Variants in BTBD9 observed in about 807,000 individuals in gnomAD.
The protein encoded by BTBD9 is BTB domain containing 9.
BTBD9 carries 49 observed loss-of-function variants against 64.3 expected under a neutral mutation model. That is an observed-to-expected ratio of 0.76 (90% CI 0.61 to 0.97). BTBD9 has a LOEUF of 0.97. Ranked by LOEUF, BTBD9 falls within the 50% of genes least tolerant of loss-of-function variation. The pLI is 0.00. For synonymous variants in BTBD9, 260 were observed against 274.7 expected (o/e 0.95, Z 0.53); for missense variants, 598 against 762.1 (o/e 0.78, Z 2.53).
Position 38,241,231 on chromosome 6 carries a change from A to G in BTBD9, c.1562+15178T>C, listed in dbSNP as rs62397012. Reference sequence around the variant, plus strand: ...CGATATAAACAAGTTCTCTCCTCTAATAGAGCAGTACCAACATATGCTATC... The same window carrying G: ...CGATATAAACAAGTTCTCTCCTCTAGTAGAGCAGTACCAACATATGCTATC... On this transcript the variant is annotated intron_variant, in intron 9 of 10. Coordinates refer to ENST00000481247, the MANE Select transcript of BTBD9 (RefSeq NM_001099272.2). Among the ~76,000 whole-genome samples the G allele has an allele frequency of 4.5e-3, 689 of 152,356 alleles. 2 individuals are homozygous for G. Among genetic ancestry groups the G allele is most frequent in the Non-Finnish European group, 7.8e-3 (528 of 68,020 alleles).
At chr6:38,215,556 A>G (rs562775497) in intron 9 of BTBD9, among the ~76,000 whole-genome samples, 2 of 152,226 alleles carry the variant, frequency 1.3e-5, no homozygotes, top group Non-Finnish European at 2.9e-5. Flanking sequence ...AAGATTGTCA[A>G]ATAGAGCTGT....
At chr6:38,289,777 A>G (rs975234297) in intron 7 of BTBD9, among the ~76,000 whole-genome samples, 10 of 152,182 alleles carry the variant, frequency 6.6e-5, no homozygotes, top group Non-Finnish European at 1.3e-4. Context: ...GTCTATATCA[A>G]CCTGCTCATT....
intron 6 of BTBD9, among the ~76,000 whole-genome samples, chr6:38,528,499 C>T (rs1212789897): frequency 6.6e-6 from 1 of 152,084 alleles, no homozygotes; most frequent in Non-Finnish European, 1.5e-5. Context: ...CAGCACAGCT[C>T]GCAGCTCTCA....
At position 38,192,473 on chromosome 6, in the gene BTBD9, T is replaced by TAC. The variant is rs762220687; in HGVS notation, c.1641+44_1641+45dup. On this transcript the variant is annotated intron_variant, in intron 10 of 10. Transcript: ENST00000481247. ...TAACTCAGGATGTAGCATTTACCTG[T>TAC]ACATCATGAAATCTCATGGCACCTC... The TAC allele has an allele frequency of 2.0e-6, 3 of 1,527,336 alleles. No homozygotes were observed. In the South Asian group the frequency reaches 3.4e-5, roughly 17 times the overall value. 94.6% of individuals were successfully genotyped at this position (1,527,336 alleles called of 1,614,324 possible).
At chr6:38,439,877 T>G (rs1768944049) in intron 6 of BTBD9, among the ~76,000 whole-genome samples, 1 of 152,044 alleles carries the variant, frequency 6.6e-6, no homozygotes, top group Non-Finnish European at 1.5e-5. Context: ...ATTCTGAAGG[T>G]AAGAACTAAA....
At chr6:38,561,852 C>T (rs1775278639) in intron 6 of BTBD9, among the ~76,000 whole-genome samples, 1 of 152,000 alleles carries the variant, frequency 6.6e-6, no homozygotes, top group African/African-American at 2.4e-5. Context: ...GTGACAGGAC[C>T]ATTTGTAACC....
At chr6:38,480,671 T>C (rs1227903801) in intron 6 of BTBD9, among the ~76,000 whole-genome samples, 1 of 152,174 alleles carries the variant, frequency 6.6e-6, no homozygotes, top group African/African-American at 2.4e-5. Context: ...AAACCCACTG[T>C]TCTAAGTAAT....
Position 38,184,330 on chromosome 6 carries a change from CCATACAGGGCCT to C in BTBD9, c.1641+8177_1641+8188del, listed in dbSNP as rs1175570287. On this transcript the variant is annotated intron_variant, in intron 10 of 10. Transcript: ENST00000481247. This position sits in a 1 kb window ranked among gnomAD's most constrained non-coding sequence, Gnocchi z 4.4. The stretch of plus-strand genomic sequence containing the variant: ...TCTCTGGCCCAGTACCTCGCATGCA[CCATACAGGGCCT>C]CCGTGCTGCCATCTGAAACCTAAGT... Among the ~76,000 whole-genome samples, 1 of 152,224 alleles carries C rather than the reference CCATACAGGGCCT, an allele frequency of 6.6e-6. No individual in the cohort carries two copies. Among genetic ancestry groups the C allele is most frequent in the Non-Finnish European group, 1.5e-5 (1 of 68,042 alleles).
chr6:38,487,095 G>T (rs1771470446), intron 6 of BTBD9, among the ~76,000 whole-genome samples: 1 of 152,168 alleles, frequency 6.6e-6, no homozygotes, highest in Non-Finnish European at 1.5e-5. Flanking sequence ...CATATTTTCA[G>T]GAACAGCACA....
At chr6:38,316,035 G>A (rs1763016348) in intron 7 of BTBD9, among the ~76,000 whole-genome samples, 1 of 152,088 alleles carries the variant, frequency 6.6e-6, no homozygotes, top group African/African-American at 2.4e-5. Context: ...CTCTTACTGA[G>A]TTGACCCCTT....
intron 6 of BTBD9, among the ~76,000 whole-genome samples, chr6:38,539,576 G>T (rs1461025699): frequency 6.6e-6 from 1 of 152,098 alleles, no homozygotes; most frequent in Non-Finnish European, 1.5e-5. Context: ...AAAATAACTT[G>T]CAAACCACTA....
chr6:38,402,995 C>A, intron 6 of BTBD9: 1 of 545,514 alleles, frequency 1.8e-6, no homozygotes. Flanking sequence ...ATTGCTTAAG[C>A]CTGGGACACA....
intron 7 of BTBD9, among the ~76,000 whole-genome samples, chr6:38,339,851 G>A (rs1486086489): frequency 6.6e-6 from 1 of 152,126 alleles, no homozygotes; most frequent in Non-Finnish European, 1.5e-5. Context: ...CTGAAATAGT[G>A]GCATAACTAC....
rs541067891 is a variant in BTBD9 at position 38,529,130 on chromosome 6, A to C, written c.1154+48470T>G. ...TGAGAAGCCCTTGGGACTTGAATGA[A>C]CATCAGCCATAGCCAGGCAGTGGTC... On this transcript the variant is annotated intron_variant, in intron 6 of 10. Transcript: ENST00000481247. Among the ~76,000 whole-genome samples, 18 of 152,102 alleles carry C rather than the reference A, an allele frequency of 1.2e-4. No homozygotes were observed. The East Asian group carries it at 2.7e-3, about 23-fold the overall frequency.
chr6:38,301,159 T>C (rs59624393), intron 7 of BTBD9, among the ~76,000 whole-genome samples: 15,098 of 152,214 alleles, frequency 0.099, 1,785 homozygotes, highest in East Asian at 0.41. Context: ...TGCTGGATTA[T>C]GTTTATTGAT....
intron 10 of BTBD9, among the ~76,000 whole-genome samples, chr6:38,180,389 G>T (rs747192894): frequency 6.6e-6 from 1 of 152,222 alleles, no homozygotes. Context: ...GGAGCTGGAG[G>T]AGGGTGATGG....
intron 6 of BTBD9, among the ~76,000 whole-genome samples, chr6:38,485,722 T>A (rs1771364831): frequency 6.6e-6 from 1 of 152,206 alleles, no homozygotes; most frequent in Non-Finnish European, 1.5e-5. Flanking sequence ...AGATTTAGCA[T>A]AACTCTTAGG....
At chr6:38,364,217 C>A (rs114605705) in intron 6 of BTBD9, among the ~76,000 whole-genome samples, 95 of 152,186 alleles carry the variant, frequency 6.2e-4, no homozygotes, top group African/African-American at 2.1e-3. Context: ...TAGGAATGAG[C>A]GTCAACTGTC....
intron 7 of BTBD9, among the ~76,000 whole-genome samples, chr6:38,295,734 T>C (rs1367195597): frequency 3.9e-5 from 6 of 152,156 alleles, no homozygotes; most frequent in African/African-American, 1.4e-4. Flanking sequence ...TTGTATATAT[T>C]TGCATCTCCA....
Sources: allele counts gnomAD v4.1 joint callset (sites outside exome capture counted in the v4.1 genomes callset), GRCh38; gene constraint gnomAD v4.1.1; non-coding constraint Gnocchi (gnomAD v3.1); transcripts MANE v1.5; gene names NCBI Gene and HGNC (gene_info 2026-07-23, HGNC 2026-07-21).